ACOX3: variants seen among roughly 807,000 people sequenced by gnomAD.
ACOX3 encodes the protein acyl-CoA oxidase 3, pristanoyl.
A neutral mutation model predicts 81.5 loss-of-function variants in ACOX3; 73 were observed. That is an observed-to-expected ratio of 0.90 (90% CI 0.74 to 1.09). The LOEUF (loss-of-function observed/expected upper bound fraction) is 1.09, where lower values mean the gene tolerates loss of function less well. ACOX3 is among the 50% of genes least tolerant of loss of function. ACOX3 has a pLI of 0.00. For synonymous variants in ACOX3, 387 were observed against 375.1 expected (o/e 1.03, Z -0.37); for missense variants, 947 against 928.0 (o/e 1.02, Z -0.27).
At chr4:8,428,447 C>T (rs996804311) in intron 1 of ACOX3, 3 of 152,468 alleles carry the variant, frequency 2.0e-5, no homozygotes, top group Non-Finnish European at 4.4e-5. Context: ...CCTGGCCCCA[C>T]TGCTCCCCCG....
rs199903762 is a variant in ACOX3 at position 8,415,761 on chromosome 4, C to T, written c.378+5G>A. On this transcript the variant is annotated splice_donor_5th_base_variant and intron_variant, in intron 3 of 17. Coordinates refer to ENST00000356406, the MANE Select transcript of ACOX3 (RefSeq NM_003501.3). ...GTTTCCCTCTCCCCTAGGCCGCATG[C>T]TCACCAAGCTATGGAGGAGGTACTT... 6.2e-7 allele frequency: 1 copy of T among 1,613,298 alleles called. No individual in the cohort carries two copies. Among genetic ancestry groups the T allele is most frequent in the South Asian group, 1.1e-5 (1 of 91,034 alleles).
rs768512736 is a variant in ACOX3 at position 8,373,605 on chromosome 4, C to T, written c.1852G>A (p.Ala618Thr). 6.2e-6 allele frequency: 10 copies of T among 1,613,358 alleles called. No homozygotes were observed. The highest frequency in any genetic ancestry group is 1.6e-4 in the Middle Eastern group (1 of 6,062). ...YRGGYFSGEQ[A>T]GEVLESAVLA... is the part of the protein sequence containing the mutation. ...ACGGCGCTCTCCAACACTTCTCCCG[C>T]CTGCTCACCGGAGAAGTATCCTCCT... Residue 618 changes from alanine to threonine, a missense_variant, in exon 16 of 18, where the codon GCG becomes ACG. By Grantham distance (58) the Ala-to-Thr change is moderately conservative. Transcript: ENST00000356406.
At chr4:8,373,497 T>C (rs367746431) in intron 16 of ACOX3, 64 bp downstream of exon 16, 33 of 1,542,816 alleles carry the variant, frequency 2.1e-5, no homozygotes, top group South Asian at 1.2e-4. Flanking sequence ...GCTAAGGGGA[T>C]GCGTGTCGCT....
chr4:8,415,008 G>A, intron 3 of ACOX3, 80 bp from the exon 4 acceptor site: 1 of 1,297,308 alleles, frequency 7.7e-7, no homozygotes, highest in Admixed American at 1.7e-5. Context: ...ACAGACAACG[G>A]CACTCAACAC....
rs773714153 is a variant in ACOX3, at chr4:8,414,335, G to T, written c.500C>A (p.Thr167Asn). 74 of 1,613,966 alleles carry T rather than the reference G, an allele frequency of 4.6e-5. 2 individuals carry two copies. Among genetic ancestry groups the T allele is most frequent in the Admixed American group, 4.5e-4 (27 of 59,994 alleles). The change falls in exon 5 of 18, where the codon ACC becomes AAC. Residue 167 changes from threonine to asparagine, a missense_variant. By Grantham distance (65) the Thr-to-Asn change is moderately conservative. Coordinates refer to ENST00000356406, the MANE Select transcript of ACOX3 (RefSeq NM_003501.3). This position sits in a 1 kb window ranked among gnomAD's most constrained non-coding sequence, Gnocchi z 6.1. ...ALTELSHGSN[T>N]KAIRTTAHYD... ...GTGGGCAGTTGTGCGAATGGCCTTG[G>T]TATTACTGCCGTGGCTTAATTCGGT...
In ACOX3 at chr4:8,370,676, G is replaced by A. The variant is rs1298785414; in HGVS notation, c.1983+232C>T. On this transcript the variant is annotated intron_variant, in intron 17 of 17. Coordinates refer to ENST00000356406, the MANE Select transcript of ACOX3 (RefSeq NM_003501.3). The surrounding 1 kb of genome is among the most constrained non-coding windows in gnomAD (Gnocchi z 6.3). ...GCGGGCAGTGCCACCACCCCATCTCGGGAGGAAAAGGCAGGCAGGGGATGG... is the reference window on the plus strand; with the variant it reads ...GCGGGCAGTGCCACCACCCCATCTCAGGAGGAAAAGGCAGGCAGGGGATGG... Among the ~76,000 whole-genome samples the A allele has an allele frequency of 2.0e-5, 3 of 152,088 alleles. No individual in the cohort carries two copies. Among genetic ancestry groups the A allele is most frequent in the East Asian group, 1.9e-4 (1 of 5,164 alleles).
At chr4:8,390,233 C>G (rs1410612321) in intron 11 of ACOX3, among the ~76,000 whole-genome samples, 3 of 152,026 alleles carry the variant, frequency 2.0e-5, no homozygotes, top group African/African-American at 7.2e-5. Context: ...TCCCAGCTAC[C>G]CAGGAGGCTG....
In ACOX3 at chr4:8,407,403, G is replaced by C. The variant is rs1004494307; in HGVS notation, c.688-1360C>G. Among the ~76,000 whole-genome samples, 6 of 152,172 alleles carry C rather than the reference G, an allele frequency of 3.9e-5. No individual in the cohort carries two copies. The highest frequency in any genetic ancestry group is 1.4e-4 in the African/African-American group (6 of 41,444). On this transcript the variant is annotated intron_variant, in intron 6 of 17. Coordinates refer to ENST00000356406, the MANE Select transcript of ACOX3 (RefSeq NM_003501.3). The surrounding 1 kb of genome is among the most constrained non-coding windows in gnomAD (Gnocchi z 4.6). ...ACCTGGGTGGCTTGCCGCCCACATGGGGCCACAGGCCTGGGGCCACCAGGA... is the reference window on the plus strand; with the variant it reads ...ACCTGGGTGGCTTGCCGCCCACATGCGGCCACAGGCCTGGGGCCACCAGGA...
chr4:8,384,611 G>A lies in ACOX3; in HGVS notation c.1538-3004C>T, dbSNP rs967258921. Among the ~76,000 whole-genome samples the A allele has an allele frequency of 6.6e-6, 1 of 152,096 alleles. No homozygotes were observed. Among genetic ancestry groups the A allele is most frequent in the African/African-American group, 2.4e-5 (1 of 41,410 alleles). On this transcript the variant is annotated intron_variant, in intron 13 of 17. Transcript: ENST00000356406. The surrounding 1 kb of genome is among the most constrained non-coding windows in gnomAD (Gnocchi z 5.3). ...CAGCCGCCCTGTGCACCCAATGACT[G>A]CCCCTCGATCTGCCCCCTCCCCAGC...
intron 8 of ACOX3, among the ~76,000 whole-genome samples, chr4:8,398,865 G>A (rs1720021896): frequency 6.6e-6 from 1 of 152,190 alleles, no homozygotes; most frequent in African/African-American, 2.4e-5. Context: ...CCCAAATGCT[G>A]TGCCTGTTCT....
chr4:8,415,474 C>T (rs945749756), intron 3 of ACOX3, among the ~76,000 whole-genome samples: 13 of 149,922 alleles, frequency 8.7e-5, no homozygotes, highest in African/African-American at 3.2e-4. Context: ...AAAAAAGTCC[C>T]AACAGCTCCT....
intron 7 of ACOX3, among the ~76,000 whole-genome samples, chr4:8,401,885 C>T (rs1720410927): frequency 6.6e-6 from 1 of 152,228 alleles, no homozygotes; most frequent in Non-Finnish European, 1.5e-5. Flanking sequence ...ATTCTATGCC[C>T]CACCCTGGGA....
chr4:8,434,859 C>T (rs1402094593), intron 1 of ACOX3, among the ~76,000 whole-genome samples: 1 of 152,196 alleles, frequency 6.6e-6, no homozygotes, highest in East Asian at 1.9e-4. Flanking sequence ...TTTGACTTGG[C>T]TTAAATTCCT....
intron 15 of ACOX3, chr4:8,374,708 G>A (rs1388861570): frequency 2.7e-6 from 1 of 366,044 alleles, no homozygotes; most frequent in African/African-American, 2.1e-5. Flanking sequence ...GAGCCCGGCA[G>A]GCTGCCTGGC....
At chr4:8,367,903 G>T (rs1303955094) in intron 17 of ACOX3, among the ~76,000 whole-genome samples, 1 of 150,364 alleles carries the variant, frequency 6.7e-6, no homozygotes, top group Non-Finnish European at 1.5e-5. Context: ...GAGGTGGGAG[G>T]ATCACTTGAG....
In ACOX3 at chr4:8,394,828, G is replaced by A; in HGVS notation, c.1057-86C>T. Reference sequence around the variant, plus strand: ...CAGGGACCATGAAAGCCAGTGCAGGGAGAGGCCGTCAGGGCCACACACCCA... The same window carrying A: ...CAGGGACCATGAAAGCCAGTGCAGGAAGAGGCCGTCAGGGCCACACACCCA... On this transcript the variant is annotated intron_variant, in intron 9 of 17. Transcript: ENST00000356406. This position sits in a 1 kb window ranked among gnomAD's most constrained non-coding sequence, Gnocchi z 5.9. 1 of 1,517,692 alleles carries A rather than the reference G, an allele frequency of 6.6e-7. No individual in the cohort carries two copies. The allele number at this position is 1,517,692 out of a possible 1,614,324, so 94.0% of individuals were successfully genotyped here.
rs369526825 is a variant in ACOX3, at chr4:8,373,585, G to A, written c.1872C>T (p.Ser624=). 3.8e-5 allele frequency: 62 copies of A among 1,613,698 alleles called. No individual in the cohort carries two copies. Among genetic ancestry groups the A allele is most frequent in the Middle Eastern group, 1.6e-4 (1 of 6,084 alleles). The change falls in exon 16 of 18, where the codon AGC becomes AGT. Residue 624 remains serine, a synonymous_variant. Coordinates refer to ENST00000356406, the MANE Select transcript of ACOX3 (RefSeq NM_003501.3). ...CCTGGGAACACAAAGCCAGGACGGC[G>A]CTCTCCAACACTTCTCCCGCCTGCT... ...SGEQAGEVLE[S]AVLALCSQLK... is the part of the protein sequence containing the mutation.
chr4:8,426,305 CCAG>C (rs1345451132), intron 1 of ACOX3, among the ~76,000 whole-genome samples: 4 of 152,048 alleles, frequency 2.6e-5, no homozygotes, highest in African/African-American at 9.7e-5. Context: ...AGGACCCTAC[CCAG>C]TCATTTTATC....
chr4:8,389,122 G>C lies in ACOX3; in HGVS notation c.1537+51C>G. The stretch of plus-strand genomic sequence containing the variant: ...CCGAGGCACGGTGCGTTTCCTGGTG[G>C]GAATGACAGGAAATCAGGAGGCCAG... On this transcript the variant is annotated intron_variant, in intron 13 of 17. Coordinates refer to ENST00000356406, the MANE Select transcript of ACOX3 (RefSeq NM_003501.3). The surrounding 1 kb of genome is among the most constrained non-coding windows in gnomAD (Gnocchi z 5.3). 6.7e-7 allele frequency: 1 copy of C among 1,492,746 alleles called. No individual in the cohort carries two copies. Among genetic ancestry groups the C allele is most frequent in the South Asian group, 1.1e-5 (1 of 87,114 alleles). The allele number at this position is 1,492,746 out of a possible 1,614,324, so 92.5% of individuals were successfully genotyped here. A position where few individuals can be genotyped will look rare whatever the true frequency, so the allele number is the denominator to read the frequency against.
Sources: allele counts gnomAD v4.1 joint callset (sites outside exome capture counted in the v4.1 genomes callset), GRCh38; gene constraint gnomAD v4.1.1; non-coding constraint Gnocchi (gnomAD v3.1); transcripts MANE v1.5; gene names NCBI Gene and HGNC (gene_info 2026-07-23, HGNC 2026-07-21).